CNOT4: variants seen among roughly 807,000 people sequenced by gnomAD.
The protein encoded by CNOT4 is CCR4-NOT transcription complex subunit 4.
CNOT4 carries 8 observed loss-of-function variants against 73.8 expected under a neutral mutation model. That is an observed-to-expected ratio of 0.11 (90% CI 0.06 to 0.20). The LOEUF (loss-of-function observed/expected upper bound fraction) is 0.20, where lower values mean the gene tolerates loss of function less well. Ranked by LOEUF, CNOT4 falls within the 10% of genes least tolerant of loss-of-function variation. The probability of loss-of-function intolerance (pLI) is 1.00; values close to 1 mark genes in which losing one functional copy is unlikely to be tolerated. For missense variants in CNOT4, 564 were observed against 883.4 expected, an observed-to-expected ratio of 0.64 and a Z score of 4.58; for synonymous variants, 293 against 321.1, an observed-to-expected ratio of 0.91 and a Z score of 0.94.
intron 2 of CNOT4, among the ~76,000 whole-genome samples, chr7:135,431,155 T>C (rs1474146554): frequency 1.3e-5 from 2 of 151,832 alleles, no homozygotes; most frequent in African/African-American, 2.4e-5. Flanking sequence ...GTCCCACCTA[T>C]TGGGAAGGCT....
At chr7:135,420,740 GA>G (rs1221280974) in intron 3 of CNOT4, among the ~76,000 whole-genome samples, 2 of 151,854 alleles carry the variant, frequency 1.3e-5, no homozygotes, top group African/African-American at 4.8e-5. Flanking sequence ...TTAAAAGATG[GA>G]GATAAAAGGA....
intron 8 of CNOT4, among the ~76,000 whole-genome samples, chr7:135,396,943 T>G (rs944585589): frequency 2.0e-5 from 3 of 152,110 alleles, no homozygotes; most frequent in African/African-American, 7.2e-5. Flanking sequence ...TTTACTATAA[T>G]TTTACCATTT....
rs1326488838 is a variant in CNOT4 at position 135,363,603 on chromosome 7, C to T, written c.1840+251G>A. 6.6e-6 allele frequency among the ~76,000 whole-genome samples: 1 copy of T among 152,192 alleles called. No individual in the cohort carries two copies. Among genetic ancestry groups the T allele is most frequent in the African/African-American group, 2.4e-5 (1 of 41,450 alleles). ...TGTACTTTGAGGCCTACAAAATACA[C>T]ATGTTGCCAGATGTTAACACCTACT... On this transcript the variant is annotated intron_variant, in intron 11 of 11. Transcript: ENST00000541284. This position sits in a 1 kb window ranked among gnomAD's most constrained non-coding sequence, Gnocchi z 4.3.
intron 1 of CNOT4, chr7:135,444,315 C>T (rs1799682988): frequency 1.5e-5 from 9 of 599,900 alleles, no homozygotes; most frequent in Middle Eastern, 4.6e-4. Flanking sequence ...ACTTGTGCAC[C>T]AGTGTTCCTA....
At chr7:135,465,751 T>C (rs1433852266) in intron 1 of CNOT4, among the ~76,000 whole-genome samples, 1 of 152,112 alleles carries the variant, frequency 6.6e-6, no homozygotes, top group African/African-American at 2.4e-5. Flanking sequence ...AAATTTTTTT[T>C]TTTAATTAAA....
intron 2 of CNOT4, among the ~76,000 whole-genome samples, chr7:135,433,922 A>G (rs890898040): frequency 3.3e-5 from 5 of 152,182 alleles, no homozygotes; most frequent in Non-Finnish European, 4.4e-5. Context: ...AGCAGCTAGG[A>G]CCAAACGGGA....
intron 3 of CNOT4, among the ~76,000 whole-genome samples, chr7:135,416,811 T>G (rs1797899806): frequency 6.6e-6 from 1 of 152,134 alleles, no homozygotes; most frequent in Non-Finnish European, 1.5e-5. Context: ...TTAAAGTGAC[T>G]GGGAGAGTCT....
At chr7:135,393,541 T>C (rs1796511261) in intron 10 of CNOT4, among the ~76,000 whole-genome samples, 1 of 152,182 alleles carries the variant, frequency 6.6e-6, no homozygotes, top group Non-Finnish European at 1.5e-5. Flanking sequence ...AAAAAAATTT[T>C]TTTTAACCAT....
chr7:135,501,857 AAT>A (rs1229823402), intron 1 of CNOT4, among the ~76,000 whole-genome samples: 1 of 152,154 alleles, frequency 6.6e-6, no homozygotes, highest in Non-Finnish European at 1.5e-5. Context: ...CTGTGGTCTA[AAT>A]GTCTCCTCCA....
At chr7:135,459,524 T>C (rs1800745612) in intron 1 of CNOT4, among the ~76,000 whole-genome samples, 1 of 152,232 alleles carries the variant, frequency 6.6e-6, no homozygotes, top group Admixed American at 6.5e-5. Flanking sequence ...TTTTACAAGC[T>C]GTGGTATATA....
chr7:135,443,210 G>GC (rs1799598567), intron 1 of CNOT4, among the ~76,000 whole-genome samples: 1 of 149,290 alleles, frequency 6.7e-6, no homozygotes, highest in African/African-American at 2.5e-5. Context: ...AAAAAAATTA[G>GC]CTGGGTTGGT....
chr7:135,453,989 C>CATATATATATATATATAT (rs371504271), intron 1 of CNOT4, among the ~76,000 whole-genome samples: 2 of 134,012 alleles, frequency 1.5e-5, no homozygotes, highest in African/African-American at 5.4e-5. Context: ...AATATATATA[C>CATATATATATATATATAT]ATATATATAT....
intron 8 of CNOT4, among the ~76,000 whole-genome samples, 152 bp downstream of exon 8, chr7:135,398,016 GA>G (rs1415717683): frequency 2.0e-5 from 3 of 151,994 alleles, no homozygotes; most frequent in African/African-American, 7.2e-5. Context: ...ATTCTGGGGG[GA>G]AAAGGCTAAT....
At chr7:135,470,118 G>A (rs1001072941) in intron 1 of CNOT4, among the ~76,000 whole-genome samples, 10 of 148,912 alleles carry the variant, frequency 6.7e-5, no homozygotes, top group African/African-American at 2.2e-4. Context: ...ACACCGTGCC[G>A]AGCCTGGTGT....
At chr7:135,378,228 G>A (rs950659086) in intron 10 of CNOT4, among the ~76,000 whole-genome samples, 1 of 152,240 alleles carries the variant, frequency 6.6e-6, no homozygotes, top group Non-Finnish European at 1.5e-5. Context: ...AGAAGGCTGG[G>A]CGCAGTGGGT....
intron 10 of CNOT4, among the ~76,000 whole-genome samples, chr7:135,377,130 T>C (rs1795565185): frequency 1.3e-5 from 2 of 152,256 alleles, no homozygotes; most frequent in Non-Finnish European, 2.9e-5. Context: ...AAAATAAGCA[T>C]TGATACTCTG....
At chr7:135,394,466 T>C in intron 9 of CNOT4, 51 bp from the exon 10 acceptor site, 1 of 1,429,854 alleles carries the variant, frequency 7.0e-7, no homozygotes, top group Non-Finnish European at 9.6e-7. Flanking sequence ...CTCATTTTCA[T>C]ACTTAATAAG....
At position 135,480,117 on chromosome 7, in the gene CNOT4, T is replaced by C. The variant is rs763880024; in HGVS notation, c.-93+29772A>G. Among the ~76,000 whole-genome samples the C allele has an allele frequency of 2.0e-4, 30 of 152,302 alleles. No individual in the cohort carries two copies. The Middle Eastern group carries it at 0.014, about 69-fold the overall frequency. On this transcript the variant is annotated intron_variant, in intron 1 of 11. Transcript: ENST00000541284. Reference sequence around the variant, plus strand: ...ATTATGAGTTTTTCTAAATTCCTTTTTCAAGATTTTCTCCAGTGTTATTAT... The same window carrying C: ...ATTATGAGTTTTTCTAAATTCCTTTCTCAAGATTTTCTCCAGTGTTATTAT...
In CNOT4 at chr7:135,454,514, A is replaced by AT. The variant is rs1554438882; in HGVS notation, c.-92-16092dup. On this transcript the variant is annotated intron_variant, in intron 1 of 11. Transcript: ENST00000541284. ...ATAAAAATAAAAAATTAATTAAAAA[A>AT]TTAAAAAAAAATAGCCAGGTGCGGT... 2.0e-3 allele frequency among the ~76,000 whole-genome samples: 198 copies of AT among 98,048 alleles called. 2 individuals carry two copies. In the East Asian group the frequency reaches 0.07, roughly 35 times the overall value. 64.3% of individuals were successfully genotyped at this position (98,048 alleles called of 152,430 possible). A position where few individuals can be genotyped will look rare whatever the true frequency, so the allele number is the denominator to read the frequency against.
Sources: gnomAD v4.1 joint callset for allele counts (sites outside exome capture counted in the v4.1 genomes callset) on GRCh38, gnomAD v4.1.1 for gene constraint, Gnocchi (gnomAD v3.1) non-coding constraint, MANE v1.5 for transcripts, NCBI Gene and HGNC (gene_info 2026-07-23, HGNC 2026-07-21) for gene names.